The following EXOC4 variants were observed in gnomAD, a reference collection of about 807,000 sequenced individuals.
The protein encoded by EXOC4 is exocyst complex component 4.
EXOC4 carries 71 observed loss-of-function variants against 107.2 expected under a neutral mutation model. That is an observed-to-expected ratio of 0.66 (90% CI 0.55 to 0.81). The LOEUF is 0.81. Ranked by LOEUF, EXOC4 falls within the 30% of genes least tolerant of loss-of-function variation. The pLI, the probability that EXOC4 is intolerant of heterozygous loss-of-function variation, is 0.00. For synonymous variants in EXOC4, 456 were observed against 441.2 expected (o/e 1.03, Z -0.42); for missense variants, 1,108 against 1,189.6 (o/e 0.93, Z 1.01).
rs536138308 is a variant in EXOC4, at chr7:133,814,652, G to C, written c.1515-2673G>C. ...TTTCACTCATGTCAGTAATATATGA[G>C]AATGCCTCTTTCTTCACACTTATAG... On this transcript the variant is annotated intron_variant, in intron 10 of 17. Transcript: ENST00000253861. 1.0e-3 allele frequency among the ~76,000 whole-genome samples: 153 copies of C among 152,262 alleles called. 1 individual carries two copies. The highest frequency in any genetic ancestry group is 3.5e-3 in the African/African-American group (147 of 41,564).
chr7:133,897,370 A>G (rs1799344005), intron 12 of EXOC4, among the ~76,000 whole-genome samples: 2 of 152,168 alleles, frequency 1.3e-5, no homozygotes, highest in Admixed American at 1.3e-4. Flanking sequence ...AATTATGTCA[A>G]TTGGTTGTGT....
chr7:133,648,058 A>G (rs1384368301), intron 10 of EXOC4, among the ~76,000 whole-genome samples: 1 of 152,204 alleles, frequency 6.6e-6, no homozygotes, highest in Non-Finnish European at 1.5e-5. Flanking sequence ...TATGTATTTA[A>G]TGGGCTAATA....
chr7:133,673,245 A>G lies in EXOC4; in HGVS notation c.1514+43104A>G, dbSNP rs74422343. ...CTTAAAGGAGTACTTAAAGGGAGTT[A>G]GTTTCTAGATGGGGAAGCTAGCATC... On this transcript the variant is annotated intron_variant, in intron 10 of 17. Transcript: ENST00000253861. Among the ~76,000 whole-genome samples, 48 of 152,288 alleles carry G rather than the reference A, an allele frequency of 3.2e-4. 1 individual carries two copies. The East Asian group carries it at 9.1e-3, about 29-fold the overall frequency.
chr7:133,960,234 G>A (rs537749202), intron 14 of EXOC4, among the ~76,000 whole-genome samples: 1 of 152,286 alleles, frequency 6.6e-6, no homozygotes, highest in African/African-American at 2.4e-5. Context: ...TTGGAGTTGA[G>A]TACTTTAAAC....
At chr7:133,787,964 TATATATATATATATATATATATATATATA>T (rs1796618198) in intron 10 of EXOC4, among the ~76,000 whole-genome samples, 1 of 9,240 alleles carries the variant, frequency 1.1e-4, no homozygotes, top group African/African-American at 3.0e-4. Context: ...TTTATATATT[TATATATATATATATATATATATATATATA>T]TATATATATA....
the EXOC4 span, among the ~76,000 whole-genome samples, chr7:134,100,065 T>C: frequency 4.9e-4 from 74 of 152,248 alleles, no homozygotes; most frequent in South Asian, 1.2e-3. Flanking sequence ...TTCTAAAGGC[T>C]ACCATGTCAC....
chr7:133,691,449 T>C (rs1794417147), intron 10 of EXOC4, among the ~76,000 whole-genome samples: 1 of 152,246 alleles, frequency 6.6e-6, no homozygotes, highest in African/African-American at 2.4e-5. Context: ...ATGTAATGCG[T>C]ATATTTTTAA....
chr7:133,984,118 C>T (rs1178170579), intron 14 of EXOC4, among the ~76,000 whole-genome samples: 1 of 152,086 alleles, frequency 6.6e-6, no homozygotes, highest in African/African-American at 2.4e-5. Flanking sequence ...CAGATAGGAC[C>T]CCAAAGCTAA....
chr7:133,313,127 T>C (rs1794912587), intron 4 of EXOC4, among the ~76,000 whole-genome samples: 1 of 149,904 alleles, frequency 6.7e-6, no homozygotes, highest in Non-Finnish European at 1.5e-5. Context: ...GTTTTCTTTT[T>C]ATCTTTCAGT....
chr7:133,781,921 G>A (rs199876128), intron 10 of EXOC4, among the ~76,000 whole-genome samples: 1 of 71,692 alleles, frequency 1.4e-5, no homozygotes, highest in East Asian at 4.3e-4. Flanking sequence ...ACACAAAAAA[G>A]TTTTTATTGT....
At chr7:133,671,865 A>G (rs2151058332) in intron 10 of EXOC4, among the ~76,000 whole-genome samples, 1 of 152,350 alleles carries the variant, frequency 6.6e-6, no homozygotes, top group South Asian at 2.1e-4. Flanking sequence ...GGAAGAAGCT[A>G]GCTGGAGAGT....
intron 7 of EXOC4, among the ~76,000 whole-genome samples, chr7:133,423,323 T>G (rs1280314499): frequency 1.3e-5 from 2 of 152,242 alleles, no homozygotes; most frequent in African/African-American, 4.8e-5. Flanking sequence ...AGATTAATTC[T>G]AGAATTCTTC....
chr7:133,698,348 C>G (rs1794583147), intron 10 of EXOC4, among the ~76,000 whole-genome samples: 1 of 151,922 alleles, frequency 6.6e-6, no homozygotes, highest in South Asian at 2.1e-4. Flanking sequence ...GCCTATAATC[C>G]CAGCACTTTG....
chr7:133,699,898 T>C (rs1393810094), intron 10 of EXOC4, among the ~76,000 whole-genome samples: 1 of 152,226 alleles, frequency 6.6e-6, no homozygotes, highest in Non-Finnish European at 1.5e-5. Flanking sequence ...TTTCACATTA[T>C]ATAATTGTGA....
chr7:133,266,765 T>C (rs1412744783), intron 1 of EXOC4, among the ~76,000 whole-genome samples: 1 of 152,234 alleles, frequency 6.6e-6, no homozygotes, highest in Admixed American at 6.5e-5. Flanking sequence ...TTTGTGACTT[T>C]GTCTGTTTTC....
intron 9 of EXOC4, among the ~76,000 whole-genome samples, chr7:133,558,217 TTTTCTTTTCTTTTC>T (rs1381992336): frequency 2.8e-5 from 4 of 143,780 alleles, no homozygotes; most frequent in African/African-American, 1.1e-4. Context: ...TTTTCTTTTC[TTTTCTTTTCTTTTC>T]TTTTCTTTTC....
chr7:133,406,884 A>G (rs1797233084), intron 7 of EXOC4, among the ~76,000 whole-genome samples: 1 of 152,212 alleles, frequency 6.6e-6, no homozygotes, highest in African/African-American at 2.4e-5. Flanking sequence ...GGGACAGTCC[A>G]TTGCCACTGG....
At chr7:133,459,044 A>G (rs1429306720) in intron 7 of EXOC4, among the ~76,000 whole-genome samples, 1 of 152,228 alleles carries the variant, frequency 6.6e-6, no homozygotes, top group Non-Finnish European at 1.5e-5. Context: ...AAGAGCTGGC[A>G]TTTAAAGAAG....
At chr7:133,842,776 A>G (rs1206053306) in intron 11 of EXOC4, among the ~76,000 whole-genome samples, 1 of 152,090 alleles carries the variant, frequency 6.6e-6, no homozygotes, top group African/African-American at 2.4e-5. Context: ...TAGGTTTTAT[A>G]TTTAAGTCTT....
Sources: allele counts gnomAD v4.1 joint callset (sites outside exome capture counted in the v4.1 genomes callset), GRCh38; gene constraint gnomAD v4.1.1; transcripts MANE v1.5; gene names NCBI Gene and HGNC (gene_info 2026-07-23, HGNC 2026-07-21).